The following FIGN variants were observed in gnomAD, a reference collection of about 807,000 sequenced individuals.
FIGN encodes fidgetin.
A neutral mutation model predicts 51.3 loss-of-function variants in FIGN; 11 were observed. That is an observed-to-expected ratio of 0.21 (90% confidence interval 0.13 to 0.35). The LOEUF is 0.35. FIGN is among the 10% of genes least tolerant of loss of function. The pLI is 1.00. For missense variants in FIGN, 857 were observed against 943.6 expected (o/e 0.91, Z 1.20); for synonymous variants, 407 against 363.2 (o/e 1.12, Z -1.37).
At chr2:163,627,781 A>G (rs1159409388) in intron 2 of FIGN, among the ~76,000 whole-genome samples, 4 of 152,048 alleles carry the variant, frequency 2.6e-5, no homozygotes, top group Non-Finnish European at 5.9e-5. Flanking sequence ...AAACAAGCAA[A>G]CAGACAAGCC....
intron 2 of FIGN, among the ~76,000 whole-genome samples, chr2:163,722,255 T>C (rs1383957750): frequency 1.3e-5 from 2 of 152,248 alleles, no homozygotes; most frequent in Admixed American, 6.5e-5. Context: ...GTATCAACTG[T>C]AGATCAACTA....
rs745823383 is a variant in FIGN at position 163,630,105 on chromosome 2, C to T, written c.26-18299G>A. 2.2e-4 allele frequency among the ~76,000 whole-genome samples: 34 copies of T among 151,630 alleles called. 1 individual carries two copies. Among genetic ancestry groups the T allele is most frequent in the Non-Finnish European group, 3.5e-4 (24 of 67,880 alleles). On this transcript the variant is annotated intron_variant, in intron 2 of 2. Transcript: ENST00000333129. ...CCTCCCAAGTAGCCAGGAATACAGA[C>T]AGGCACATGCTACCCATGCCTAGCA...
At chr2:163,647,329 T>C (rs899280385) in intron 2 of FIGN, among the ~76,000 whole-genome samples, 2 of 152,170 alleles carry the variant, frequency 1.3e-5, no homozygotes, top group South Asian at 2.1e-4. Context: ...TTGAGATTCA[T>C]TGTAGCTGCA....
At chr2:163,715,295 G>C (rs181704731) in intron 2 of FIGN, among the ~76,000 whole-genome samples, 1 of 152,264 alleles carries the variant, frequency 6.6e-6, no homozygotes, top group Non-Finnish European at 1.5e-5. Flanking sequence ...TCATTAGCTA[G>C]AGTCCCAGCC....
intron 2 of FIGN, among the ~76,000 whole-genome samples, chr2:163,684,873 C>G (rs1172686494): frequency 6.6e-6 from 1 of 151,832 alleles, no homozygotes; most frequent in Non-Finnish European, 1.5e-5. Context: ...CTCCCAGGTT[C>G]AAGCAATTCT....
intron 2 of FIGN, among the ~76,000 whole-genome samples, chr2:163,684,002 A>T (rs560538168): frequency 2.4e-4 from 37 of 152,336 alleles, no homozygotes; most frequent in African/African-American, 8.4e-4. Flanking sequence ...TTTGCAAAGA[A>T]AACAATCTCT....
intron 2 of FIGN, among the ~76,000 whole-genome samples, chr2:163,714,783 A>T (rs1413399437): frequency 1.3e-5 from 2 of 152,220 alleles, no homozygotes; most frequent in African/African-American, 4.8e-5. Context: ...TCTTATACCC[A>T]TTAATTCCCA....
At chr2:163,623,791 C>T (rs943630092) in intron 2 of FIGN, among the ~76,000 whole-genome samples, 6 of 151,868 alleles carry the variant, frequency 4.0e-5, no homozygotes, top group Non-Finnish European at 8.8e-5. Context: ...TGTATTGTGC[C>T]CTCTGTTTAT....
chr2:163,721,598 T>C (rs764983978), intron 2 of FIGN, among the ~76,000 whole-genome samples: 34 of 152,210 alleles, frequency 2.2e-4, no homozygotes, highest in Admixed American at 1.3e-4. Context: ...CTAAGCAACA[T>C]TTGTCCATTA....
At chr2:163,728,063 T>G (rs1297127300) in intron 2 of FIGN, among the ~76,000 whole-genome samples, 1 of 152,190 alleles carries the variant, frequency 6.6e-6, no homozygotes, top group Non-Finnish European at 1.5e-5. Context: ...AAATGGTTAC[T>G]TTTCCTCTTT....
At chr2:163,704,656 T>TCTCTCTCTCTCTCA (rs72286438) in intron 2 of FIGN, among the ~76,000 whole-genome samples, 21 of 129,790 alleles carry the variant, frequency 1.6e-4, no homozygotes, top group East Asian at 6.6e-4. Flanking sequence ...TCTCTCTCTC[T>TCTCTCTCTCTCTCA]CACACACACA....
intron 2 of FIGN, among the ~76,000 whole-genome samples, chr2:163,730,522 GTGT>G (rs1559035630): frequency 2.0e-5 from 3 of 151,794 alleles, no homozygotes; most frequent in African/African-American, 7.3e-5. Flanking sequence ...GTGTGTGTGT[GTGT>G]GTGTGTGTGT....
intron 2 of FIGN, 116 bp from the exon 3 acceptor site, chr2:163,611,922 T>TCGGTG: frequency 2.2e-6 from 1 of 450,984 alleles, no homozygotes; most frequent in Non-Finnish European, 3.4e-6. Context: ...ATGCATACTT[T>TCGGTG]AAAAGATCTA....
At chr2:163,661,639 A>C (rs1215176400) in intron 2 of FIGN, among the ~76,000 whole-genome samples, 1 of 152,110 alleles carries the variant, frequency 6.6e-6, no homozygotes, top group African/African-American at 2.4e-5. Context: ...TGTCAACTTG[A>C]ATTGTATCTT....
chr2:163,609,819 G>C lies in FIGN; in HGVS notation c.2013C>G (p.Tyr671Ter). The C allele has an allele frequency of 6.2e-7, 1 of 1,614,180 alleles. No individual in the cohort carries two copies. The highest frequency in any genetic ancestry group is 8.5e-7 in the Non-Finnish European group (1 of 1,180,032). Residue 671 changes from tyrosine to a stop codon, truncating the protein, a stop_gained, in exon 3 of 3, where the codon TAC (tyrosine) becomes TAG (stop). Coordinates refer to ENST00000333129, the MANE Select transcript of FIGN (RefSeq NM_018086.4). LOFTEE classifies it high-confidence loss of function. The stretch of plus-strand genomic sequence containing the variant: ...GTGCAAACTCCTTGTCATTGAGACA[G>C]TAATTGTGCTGTGAGAGCAGTTGTA... ...IIVQLLSQHN[Y>*]CLNDKEFALL... is the part of the protein sequence containing the mutation.
At chr2:163,643,932 C>CAAAAAAAAAA (rs1162234909) in intron 2 of FIGN, among the ~76,000 whole-genome samples, 4,762 of 19,032 alleles carry the variant, frequency 0.25, 1,870 homozygotes, top group Middle Eastern at 0.62. Context: ...AACTCTGTCT[C>CAAAAAAAAAA]AAAAAAAAAA....
In FIGN at chr2:163,610,140, C is replaced by T. The variant is rs772482079; in HGVS notation, c.1692G>A (p.Glu564=). ...GLVAKWLGEA[E]KIIHASFLVA... is the part of the protein sequence containing the mutation. ...CAAGAAAAGAGGCATGGATAATTTT[C>T]TCTGCTTCTCCTAACCACTTGGCGA... The change falls in exon 3 of 3, where the codon GAG becomes GAA. Residue 564 remains glutamate (E), a synonymous_variant. Transcript: ENST00000333129. 2 of 1,614,086 alleles carry T rather than the reference C, an allele frequency of 1.2e-6. No individual in the cohort carries two copies. The highest frequency in any genetic ancestry group is 1.1e-5 in the South Asian group (1 of 91,084).
At chr2:163,617,107 G>T (rs1489838655) in intron 2 of FIGN, 1 of 984,926 alleles carries the variant, frequency 1.0e-6, no homozygotes, top group African/African-American at 1.8e-5. Flanking sequence ...AGTATTACTA[G>T]TACTAACTCA....
chr2:163,611,028 C>CTG lies in FIGN; in HGVS notation c.803_804insCA (p.Pro269SerfsTer33). On this transcript the variant is annotated frameshift_variant, in exon 3 of 3. Coordinates refer to ENST00000333129, the MANE Select transcript of FIGN (RefSeq NM_018086.4). LOFTEE classifies it high-confidence loss of function. ...AAGGCAGGTACGCTGAAGGCGGAGG[C>CTG]GGTGCCCCCCCAGGGCTGTACCCAG... 1 of 1,613,748 alleles carries CTG rather than the reference C, an allele frequency of 6.2e-7. No homozygotes were observed. Among genetic ancestry groups the CTG allele is most frequent in the Non-Finnish European group, 8.5e-7 (1 of 1,179,994 alleles).
Sources: gnomAD v4.1 joint callset for allele counts (sites outside exome capture counted in the v4.1 genomes callset) on GRCh38, gnomAD v4.1.1 for gene constraint, MANE v1.5 for transcripts, NCBI Gene and HGNC (gene_info 2026-07-23, HGNC 2026-07-21) for gene names.